The following ZGPAT variants were observed in gnomAD, a reference collection of about 807,000 sequenced individuals.
ZGPAT encodes the protein zinc finger CCCH-type with G patch domain-containing protein.
In ZGPAT, 39 loss-of-function variants were observed where a neutral mutation model predicts 47.9. The ratio of observed to expected loss-of-function variants is 0.81; its 90% CI spans 0.63 to 1.06. ZGPAT has a LOEUF of 1.06. Ranked by LOEUF, ZGPAT falls within the 50% of genes least tolerant of loss-of-function variation. The pLI is 0.00. For synonymous variants in ZGPAT, 348 were observed against 292.9 expected (o/e 1.19, Z -1.92); for missense variants, 717 against 681.4 (o/e 1.05, Z -0.58).
chr20:63,733,387 C>T (rs779454518), intron 3 of ZGPAT, 35 bp downstream of exon 3: 1 of 1,604,034 alleles, frequency 6.2e-7, no homozygotes, highest in African/African-American at 1.3e-5. Context: ...CGGGAACACC[C>T]TCCCAGGCCC....
chr20:63,728,355 C>G (rs1230535598), intron 2 of ZGPAT, among the ~76,000 whole-genome samples: 1 of 152,166 alleles, frequency 6.6e-6, no homozygotes, highest in Non-Finnish European at 1.5e-5. Context: ...ATTTTTTAGT[C>G]TGGCTTCCTA....
chr20:63,723,232 C>T (rs1351272728), intron 2 of ZGPAT, among the ~76,000 whole-genome samples: 1 of 148,036 alleles, frequency 6.8e-6, no homozygotes, highest in Non-Finnish European at 1.5e-5. Context: ...GTCATAGCTC[C>T]ATCCTCCCTT....
At chr20:63,719,051 G>A (rs1386376684) in intron 2 of ZGPAT, among the ~76,000 whole-genome samples, 4 of 122,866 alleles carry the variant, frequency 3.3e-5, no homozygotes, top group African/African-American at 1.2e-4. Context: ...GGGCAACAGT[G>A]CGAGACTCCA....
Position 63,733,350 on chromosome 20 carries a change from C to T in ZGPAT, c.716C>T (p.Thr239Ile). The stretch of plus-strand genomic sequence containing the variant: ...GGCCTCTGGCACGCAGCACGCATCA[C>T]CGGTGAGGCTGGCCGTGGGGGCCTC... The part of the protein sequence containing the change: ...QDGLWHAARI[T>I]DVDNGYYTVK... The change falls in exon 3 of 7, where the codon ACC becomes ATC. Residue 239 changes from threonine (T) to isoleucine (I), a missense_variant and splice_region_variant. Thr to Ile is a moderately conservative substitution (Grantham distance 89). Transcript: ENST00000355969. The T allele has an allele frequency of 6.2e-7, 1 of 1,610,830 alleles. No homozygotes were observed. The highest frequency in any genetic ancestry group is 8.5e-7 in the Non-Finnish European group (1 of 1,179,480).
At chr20:63,728,121 C>T (rs1457277821) in intron 2 of ZGPAT, among the ~76,000 whole-genome samples, 1 of 150,940 alleles carries the variant, frequency 6.6e-6, no homozygotes. Context: ...ACTGCAACCT[C>T]CACCTCCTGA....
chr20:63,714,728 G>A (rs149823870), intron 2 of ZGPAT, among the ~76,000 whole-genome samples: 12 of 151,670 alleles, frequency 7.9e-5, no homozygotes, highest in East Asian at 2.0e-4. Context: ...CTGCAACCTC[G>A]AATTCCTGGG....
Position 63,722,873 on chromosome 20 carries a change from C to T in ZGPAT, c.585-10346C>T, listed in dbSNP as rs139450445. 5.0e-3 allele frequency among the ~76,000 whole-genome samples: 755 copies of T among 152,262 alleles called. 4 individuals carry two copies. The highest frequency in any genetic ancestry group is 0.017 in the African/African-American group (719 of 41,538). On this transcript the variant is annotated intron_variant, in intron 2 of 6. Transcript: ENST00000355969. Reference sequence around the variant, plus strand: ...CTCGAACTGCTGACCTCAGGTGATCCGCCCATCTTGGCCTCCCAAAGTGCT... The same window carrying T: ...CTCGAACTGCTGACCTCAGGTGATCTGCCCATCTTGGCCTCCCAAAGTGCT...
chr20:63,710,765 T>G (rs769792642), intron 2 of ZGPAT, among the ~76,000 whole-genome samples: 5 of 152,204 alleles, frequency 3.3e-5, no homozygotes, highest in Admixed American at 3.3e-4. Context: ...CCAAGTCCGA[T>G]GTGAGGACAA....
intron 2 of ZGPAT, among the ~76,000 whole-genome samples, chr20:63,729,088 G>A (rs902581952): frequency 6.7e-6 from 1 of 148,724 alleles, no homozygotes; most frequent in African/African-American, 2.5e-5. Flanking sequence ...CTGAAGTGCA[G>A]TGGTGCGATC....
intron 2 of ZGPAT, among the ~76,000 whole-genome samples, chr20:63,732,889 T>C (rs1272400506): frequency 1.3e-5 from 2 of 152,014 alleles, no homozygotes; most frequent in Non-Finnish European, 2.9e-5. Context: ...TGCGTGTATG[T>C]GTACGTGTGT....
intron 5 of ZGPAT, 106 bp from the exon 6 acceptor site, chr20:63,735,053 G>C (rs1037537317): frequency 3.6e-6 from 5 of 1,406,316 alleles, no homozygotes; most frequent in Non-Finnish European, 4.6e-6. Context: ...CCATCTCCGT[G>C]CTCCTCAGAT....
intron 2 of ZGPAT, among the ~76,000 whole-genome samples, chr20:63,712,566 G>A (rs563452744): frequency 1.4e-4 from 22 of 152,292 alleles, no homozygotes; most frequent in South Asian, 8.3e-4. Flanking sequence ...CATAGAATGT[G>A]TAGATCTGTT....
At chr20:63,730,958 C>G (rs55912727) in intron 2 of ZGPAT, among the ~76,000 whole-genome samples, 1 of 99,838 alleles carries the variant, frequency 1.0e-5, no homozygotes. Flanking sequence ...CTCTCTCTCT[C>G]TCTCTCTCTC....
chr20:63,735,087 A>G (rs1049018872), intron 5 of ZGPAT, 72 bp from the exon 6 acceptor site: 66 of 1,453,780 alleles, frequency 4.5e-5, no homozygotes, highest in Non-Finnish European at 1.3e-5. Context: ...TGGCCACAGC[A>G]CTGCCATCCC....
intron 4 of ZGPAT, 200 bp from the exon 5 acceptor site, chr20:63,734,505 C>T: frequency 6.8e-6 from 7 of 1,034,700 alleles, no homozygotes; most frequent in Non-Finnish European, 9.8e-6. Context: ...CCCACAGCAG[C>T]CTCGGTGACG....
intron 2 of ZGPAT, among the ~76,000 whole-genome samples, chr20:63,726,988 T>C (rs951032976): frequency 6.6e-6 from 1 of 152,106 alleles, no homozygotes; most frequent in Non-Finnish European, 1.5e-5. Flanking sequence ...TCCATAAACC[T>C]ACACAGACCC....
At chr20:63,732,409 C>CGCGCATGTGTGTGGGTGAGGGCCT (rs767320496) in intron 2 of ZGPAT, among the ~76,000 whole-genome samples, 20,395 of 135,780 alleles carry the variant, frequency 0.15, 1,556 homozygotes, top group South Asian at 0.29. Context: ...CCTGTGTGTG[C>CGCGCATGTGTGTGGGTGAGGGCCT]GTGTGTGTGG....
At chr20:63,733,462 C>G in intron 3 of ZGPAT, 110 bp downstream of exon 3, 1 of 1,596,514 alleles carries the variant, frequency 6.3e-7, no homozygotes, top group Non-Finnish European at 8.6e-7. Flanking sequence ...GACTCTGGCT[C>G]TGGGCCCGAA....
At chr20:63,716,695 G>A (rs935800044) in intron 2 of ZGPAT, among the ~76,000 whole-genome samples, 8 of 149,990 alleles carry the variant, frequency 5.3e-5, no homozygotes, top group African/African-American at 1.7e-4. Context: ...TTGTTTTTTT[G>A]TTTTTGAGAC....
Sources: allele counts gnomAD v4.1 joint callset (sites outside exome capture counted in the v4.1 genomes callset), GRCh38; gene constraint gnomAD v4.1.1; transcripts MANE v1.5; gene names NCBI Gene and HGNC (gene_info 2026-07-23, HGNC 2026-07-21).